Variants in MYBPC3 observed in about 807,000 individuals in gnomAD.
MYBPC3 encodes the protein myosin binding protein C3, also known as myosin-binding protein C, cardiac-type.
In MYBPC3, 108 loss-of-function variants were observed where a neutral mutation model predicts 159.3. The observed-to-expected ratio is 0.68, with a 90% CI of 0.58 to 0.80. The LOEUF (loss-of-function observed/expected upper bound fraction) is 0.80, where lower values mean the gene tolerates loss of function less well. Ranked by LOEUF, MYBPC3 falls within the 30% of genes least tolerant of loss-of-function variation. The pLI is 0.00. For synonymous variants in MYBPC3, 730 were observed against 702.0 expected (o/e 1.04, Z -0.63); for missense variants, 1,631 against 1,762.1 (o/e 0.93, Z 1.33).
At chr11:47,333,031 G>T in intron 30 of MYBPC3, 58 bp from the exon 31 acceptor site, 1 of 1,561,872 alleles carries the variant, frequency 6.4e-7, no homozygotes. Context: ...GATGCCGAGA[G>T]CCTCTCCTGG....
At chr11:47,339,491 C>T in intron 21 of MYBPC3, 87 bp from the exon 22 acceptor site, 3 of 1,512,536 alleles carry the variant, frequency 2.0e-6, no homozygotes, top group Non-Finnish European at 2.7e-6. Context: ...ACCCCCTGAC[C>T]CACACTGCCC....
chr11:47,333,217 G>T lies in MYBPC3; in HGVS notation c.3307C>A (p.Gln1103Lys). 1 of 1,600,216 alleles carries T rather than the reference G, an allele frequency of 6.2e-7. No individual in the cohort carries two copies. The highest frequency in any genetic ancestry group is 8.5e-7 in the Non-Finnish European group (1 of 1,173,292). ...ACCATGGTCTTCTTGTCGGCTTTCTGCACTGTGTACCCCCAGAGCTCCGTG... is the reference window on the plus strand; with the variant it reads ...ACCATGGTCTTCTTGTCGGCTTTCTTCACTGTGTACCCCCAGAGCTCCGTG... ...GNTELWGYTV[Q>K]KADKKTMEWF... The change falls in exon 30 of 35, where the codon CAG (glutamine) becomes AAG (lysine). Residue 1103 changes from glutamine to lysine, a missense_variant. Coordinates refer to ENST00000545968, the MANE Select transcript of MYBPC3 (RefSeq NM_000256.3).
Position 47,350,125 on chromosome 11 carries a change from G to T in MYBPC3, c.407-13C>A. 6.4e-7 allele frequency: 1 copy of T among 1,550,638 alleles called. No individual in the cohort carries two copies. Among genetic ancestry groups the T allele is most frequent in the East Asian group, 2.4e-5 (1 of 40,948 alleles). Reference sequence around the variant, plus strand: ...GCTGAGCTTGACCCTGTGAGCAAAGGCTTTTTCTGTTTGTTTGAGATGGAG... The same window carrying T: ...GCTGAGCTTGACCCTGTGAGCAAAGTCTTTTTCTGTTTGTTTGAGATGGAG... On this transcript the variant is annotated splice_polypyrimidine_tract_variant and intron_variant, in intron 3 of 34. Coordinates refer to ENST00000545968, the MANE Select transcript of MYBPC3 (RefSeq NM_000256.3).
At position 47,335,058 on chromosome 11, in the gene MYBPC3, T is replaced by C. The variant is rs2095880894; in HGVS notation, c.2889A>G (p.Thr963=). 5 of 1,568,628 alleles carry C rather than the reference T, an allele frequency of 3.2e-6. No homozygotes were observed. The Middle Eastern group carries it at 5.1e-4, about 160-fold the overall frequency. ...GGCACTCACGCAGGATCTCCTGCACTGTCACCGGCTCCGTGGTGGTAACAG... is the reference window on the plus strand; with the variant it reads ...GGCACTCACGCAGGATCTCCTGCACCGTCACCGGCTCCGTGGTGGTAACAG... ...GAPVTTTEPV[T]VQEILQRPRL... The change falls in exon 27 of 35, where the codon ACA becomes ACG. Residue 963 remains threonine (T), a synonymous_variant. Transcript: ENST00000545968.
intron 12 of MYBPC3, among the ~76,000 whole-genome samples, chr11:47,345,482 C>T (rs889576071): frequency 6.6e-6 from 1 of 152,092 alleles, no homozygotes; most frequent in Non-Finnish European, 1.5e-5. Context: ...GGCTTGTCTC[C>T]CATATCCTGC....
intron 26 of MYBPC3, 161 bp downstream of exon 26, chr11:47,335,716 G>C: frequency 1.7e-6 from 1 of 595,768 alleles, no homozygotes; most frequent in Non-Finnish European, 2.7e-6. Flanking sequence ...TTTTCACTAG[G>C]CAAGCTTTTT....
intron 22 of MYBPC3, 113 bp downstream of exon 22, chr11:47,339,211 C>G (rs1309804635): frequency 8.6e-7 from 1 of 1,168,606 alleles, no homozygotes; most frequent in South Asian, 1.2e-5. Context: ...GGGGCAGCAA[C>G]ACACCCGGCC....
In MYBPC3 at chr11:47,350,131, T is replaced by G. The variant is rs932729828; in HGVS notation, c.407-19A>C. 2 of 1,549,316 alleles carry G rather than the reference T, an allele frequency of 1.3e-6. No individual in the cohort carries two copies. Among genetic ancestry groups the G allele is most frequent in the Admixed American group, 3.9e-5 (2 of 51,008 alleles). ...CTTGACCCTGTGAGCAAAGGCTTTT[T>G]CTGTTTGTTTGAGATGGAGTCTTGC... On this transcript the variant is annotated intron_variant, in intron 3 of 34. Transcript: ENST00000545968.
At position 47,338,604 on chromosome 11, in the gene MYBPC3, C is replaced by G; in HGVS notation, c.2224G>C (p.Glu742Gln). The change falls in exon 23 of 35, where the codon GAG becomes CAG. Residue 742 changes from glutamate (E) to glutamine (Q), a missense_variant. Coordinates refer to ENST00000545968, the MANE Select transcript of MYBPC3 (RefSeq NM_000256.3). This position sits in a 1 kb window ranked among gnomAD's most constrained non-coding sequence, Gnocchi z 4.7. Reference sequence around the variant, plus strand: ...GTGTAGACGCCCTCATCTTCCTTCTCTGCCCCCTCGACCGTGAAGATGCTG... The same window carrying G: ...GTGTAGACGCCCTCATCTTCCTTCTGTGCCCCCTCGACCGTGAAGATGCTG... ...DRSIFTVEGA[E>Q]KEDEGVYTVT... The G allele has an allele frequency of 6.2e-7, 1 of 1,614,074 alleles. No homozygotes were observed. The highest frequency in any genetic ancestry group is 1.1e-5 in the South Asian group (1 of 91,086).
rs760572113 is a variant in MYBPC3 at position 47,352,693 on chromosome 11, A to G, written c.-46T>C. On this transcript the variant is annotated 5_prime_UTR_variant, in exon 1 of 35. Transcript: ENST00000545968. Reference sequence around the variant, plus strand: ...GCACGAAGCAGGCACAGGTCACCCAAAGAGGGACTGAGTGGGGTCCTGTCC... The same window carrying G: ...GCACGAAGCAGGCACAGGTCACCCAGAGAGGGACTGAGTGGGGTCCTGTCC... 2 of 1,540,368 alleles carry G rather than the reference A, an allele frequency of 1.3e-6. No individual in the cohort carries two copies. The highest frequency in any genetic ancestry group is 1.7e-6 in the Non-Finnish European group (2 of 1,145,172).
At chr11:47,347,235 C>T (rs950237793) in intron 9 of MYBPC3, 191 bp downstream of exon 9, 5 of 985,224 alleles carry the variant, frequency 5.1e-6, no homozygotes, top group Non-Finnish European at 6.0e-6. Flanking sequence ...GTGAGGATGA[C>T]TGTTGACGGG....
At chr11:47,348,624 G>T in intron 5 of MYBPC3, 83 bp from the exon 6 acceptor site, 1 of 1,110,000 alleles carries the variant, frequency 9.0e-7, no homozygotes, top group Non-Finnish European at 1.3e-6. Flanking sequence ...GACTGGGAGT[G>T]GCCGGGCGCG....
At position 47,335,103 on chromosome 11, in the gene MYBPC3, A is replaced by G. The variant is rs2095880973; in HGVS notation, c.2844T>C (p.Asn948=). The G allele has an allele frequency of 1.2e-6, 2 of 1,610,426 alleles. No homozygotes were observed. Among genetic ancestry groups the G allele is most frequent in the Non-Finnish European group, 1.7e-6 (2 of 1,178,270 alleles). The change falls in exon 27 of 35, where the codon AAT becomes AAC. Residue 948 remains asparagine (N), a synonymous_variant. Coordinates refer to ENST00000545968, the MANE Select transcript of MYBPC3 (RefSeq NM_000256.3). ...ARLLFRVRAH[N]MAGPGAPVTT... is the part of the protein sequence containing the mutation. ...TAACAGGGGCTCCAGGCCCTGCCAT[A>G]TTGTGTGCCCGCACTCGGAAAAGCA...
chr11:47,343,714 C>T (rs1397808561), intron 12 of MYBPC3, 90 bp from the exon 13 acceptor site: 9 of 1,365,926 alleles, frequency 6.6e-6, no homozygotes, highest in Non-Finnish European at 8.8e-6. Context: ...GGGCCCAGGT[C>T]CCCCCCTCCA....
chr11:47,334,927 G>T, intron 27 of MYBPC3, 115 bp downstream of exon 27: 1 of 1,226,204 alleles, frequency 8.2e-7, no homozygotes, highest in Non-Finnish European at 1.1e-6. Context: ...TCCTGTCTCT[G>T]CCCAGCGTTC....
Position 47,335,938 on chromosome 11 carries a change from G to C in MYBPC3, c.2676C>G (p.Pro892=), listed in dbSNP as rs559961809. Residue 892 remains proline (P), a synonymous_variant, in exon 26 of 35, where the codon CCC becomes CCG. Coordinates refer to ENST00000545968, the MANE Select transcript of MYBPC3 (RefSeq NM_000256.3). ...GGCCTCCTGCTCCCACGCGCTCTGG[G>C]GGCCGCCACTTGAGGGAGACCGTGG... ...SDTTVSLKWR[P]PERVGAGGLD... 2.6e-6 allele frequency: 4 copies of C among 1,563,206 alleles called. No homozygotes were observed. The East Asian group carries it at 9.5e-5, about 37-fold the overall frequency.
At position 47,332,578 on chromosome 11, in the gene MYBPC3, C is replaced by G. The variant is rs771292799; in HGVS notation, c.3615G>C (p.Arg1205=). ...TAAAGTTCCCTACCTTGGGGCTACC[C>G]CGGACAGCACAGCAGAGCATAGCAG... ...GYTAMLCCAV[R]GSPKPKISWF... The change falls in exon 32 of 35, where the codon CGG becomes CGC. Residue 1205 remains arginine (R), a synonymous_variant. Transcript: ENST00000545968. The surrounding 1 kb of genome is among the most constrained non-coding windows in gnomAD (Gnocchi z 4.2). 1.9e-6 allele frequency: 3 copies of G among 1,612,112 alleles called. No homozygotes were observed. The highest frequency in any genetic ancestry group is 2.5e-6 in the Non-Finnish European group (3 of 1,178,592).
In MYBPC3 at chr11:47,350,543, G is replaced by A; in HGVS notation, c.365C>T (p.Ala122Val). The part of the protein sequence containing the change: ...EATGAPGEAP[A>V]PAAELGESAP... ...ACTTTCTCCCAGCTCAGCGGCTGGG[G>A]CCGGGGCTTCTCCAGGGGCTCCAGT... The change falls in exon 3 of 35, where the codon GCC (alanine) becomes GTC (valine). Residue 122 changes from alanine (A) to valine (V), a missense_variant. Ala to Val is a moderately conservative substitution (Grantham distance 64, BLOSUM62 0). Coordinates refer to ENST00000545968, the MANE Select transcript of MYBPC3 (RefSeq NM_000256.3). 4 of 1,553,632 alleles carry A rather than the reference G, an allele frequency of 2.6e-6. No individual in the cohort carries two copies. The highest frequency in any genetic ancestry group is 3.5e-6 in the Non-Finnish European group (4 of 1,156,372).
In MYBPC3 at chr11:47,343,110, A is replaced by C. The variant is rs2142861749; in HGVS notation, c.1262T>G (p.Leu421Arg). 1 of 1,612,074 alleles carries C rather than the reference A, an allele frequency of 6.2e-7. No individual in the cohort carries two copies. Among genetic ancestry groups the C allele is most frequent in the Non-Finnish European group, 8.5e-7 (1 of 1,179,158 alleles). The change falls in exon 15 of 35, where the codon CTG becomes CGG. Residue 421 changes from leucine (L) to arginine (R), a missense_variant. Physicochemically the swap from Leu to Arg is moderately radical, Grantham distance 102. Coordinates refer to ENST00000545968, the MANE Select transcript of MYBPC3 (RefSeq NM_000256.3). ...IFESIGAKRT[L>R]TISQCSLADD... is the part of the protein sequence containing the mutation. ...CGCCAATGAGCACTGGCTGATGGTC[A>C]GGGTACGCTTGGCACCGATGGACTC...
Sources: allele counts gnomAD v4.1 joint callset (sites outside exome capture counted in the v4.1 genomes callset), GRCh38; gene constraint gnomAD v4.1.1; non-coding constraint Gnocchi (gnomAD v3.1); transcripts MANE v1.5; gene names NCBI Gene and HGNC (gene_info 2026-07-23, HGNC 2026-07-21).